KDM6A: variants seen among roughly 807,000 people sequenced by gnomAD.
The protein encoded by KDM6A is lysine-specific demethylase 6A.
A neutral mutation model predicts 117.6 loss-of-function variants in KDM6A; 11 were observed. That is an observed-to-expected ratio of 0.09 (90% CI 0.06 to 0.15). The LOEUF (loss-of-function observed/expected upper bound fraction) is 0.15, where lower values mean the gene tolerates loss of function less well. Ranked by LOEUF, KDM6A falls within the 10% of genes least tolerant of loss-of-function variation. The pLI is 1.00. For missense variants in KDM6A, 799 were observed against 1,077.3 expected (o/e 0.74, Z 3.62); for synonymous variants, 384 against 396.1 (o/e 0.97, Z 0.36).
At chrX:44,964,450 G>GGA (rs1372308590) in intron 3 of KDM6A, among the ~76,000 whole-genome samples, 118 of 54,232 alleles carry the variant, frequency 2.2e-3, no homozygotes, top group African/African-American at 6.7e-3. Context: ...CTCTGTCTCA[G>GGA]AAAAAAAAAA....
At chrX:44,976,904 A>G (rs1025152499) in intron 4 of KDM6A, among the ~76,000 whole-genome samples, 1 of 111,505 alleles carries the variant, frequency 9.0e-6, no homozygotes, top group African/African-American at 3.3e-5. Flanking sequence ...GAAACTGCCA[A>G]AACTTTTTTT....
At chrX:44,885,714 C>CA (rs1355849082) in intron 2 of KDM6A, among the ~76,000 whole-genome samples, 2 of 109,687 alleles carry the variant, frequency 1.8e-5, no homozygotes, top group African/African-American at 3.3e-5. Context: ...ACTAAAAATA[C>CA]AAAAAAAATT....
rs778574288 is a variant in KDM6A at position 44,935,170 on chromosome X, A to G, written c.226-26114A>G. 1.9e-3 allele frequency among the ~76,000 whole-genome samples: 218 copies of G among 111,932 alleles called. 1 individual carries two copies. The highest frequency in any genetic ancestry group is 8.2e-3 in the South Asian group (22 of 2,696). The stretch of plus-strand genomic sequence containing the variant: ...GAGGGTGATGTTATAGTGAATGCAT[A>G]CATATGTACACCTTAGTCGAAGTGA... On this transcript the variant is annotated intron_variant, in intron 2 of 29. Coordinates refer to ENST00000611820, the MANE Select transcript of KDM6A (RefSeq NM_001291415.2).
intron 2 of KDM6A, among the ~76,000 whole-genome samples, chrX:44,933,578 TTTTG>T (rs202187688): frequency 0.17 from 17,860 of 105,762 alleles, 1,360 homozygotes; most frequent in African/African-American, 0.26. Flanking sequence ...TGGCCGATGT[TTTTG>T]TTTGTTTGTT....
At chrX:44,997,537 T>A (rs1028513179) in intron 4 of KDM6A, among the ~76,000 whole-genome samples, 8 of 111,411 alleles carry the variant, frequency 7.2e-5, no homozygotes, top group African/African-American at 2.6e-4. Context: ...GGGTCTTGGG[T>A]TTTTATAGGC....
At chrX:44,896,259 A>G (rs941186552) in intron 2 of KDM6A, among the ~76,000 whole-genome samples, 1 of 109,498 alleles carries the variant, frequency 9.1e-6, no homozygotes, top group Non-Finnish European at 1.9e-5. Context: ...TATTTTTTTT[A>G]GTAGAGACGG....
chrX:45,088,414 C>G lies in KDM6A; in HGVS notation c.3705-1329C>G, dbSNP rs187702942. On this transcript the variant is annotated intron_variant, in intron 25 of 29. Transcript: ENST00000611820. The stretch of plus-strand genomic sequence containing the variant: ...TTCACCTTTCCTGGTCATGCGCTGT[C>G]TGTCACAACTGTGTCATTATAGCAC... Among the ~76,000 whole-genome samples, 66 of 113,433 alleles carry G rather than the reference C, an allele frequency of 5.8e-4. 1 individual carries two copies. In the East Asian group the frequency reaches 0.01, roughly 18 times the overall value.
At chrX:45,029,609 C>CAA (rs548329887) in intron 6 of KDM6A, among the ~76,000 whole-genome samples, 3,801 of 80,816 alleles carry the variant, frequency 0.047, 263 homozygotes, top group African/African-American at 0.16. Flanking sequence ...GAGATTGTCT[C>CAA]AAAAAAAAAA....
intron 2 of KDM6A, among the ~76,000 whole-genome samples, chrX:44,899,658 A>C (rs1419957210): frequency 9.1e-6 from 1 of 110,444 alleles, no homozygotes; most frequent in Non-Finnish European, 1.9e-5. Flanking sequence ...ATTACTCCTC[A>C]AATTATGAAG....
At chrX:45,004,708 A>G (rs768765770) in intron 4 of KDM6A, among the ~76,000 whole-genome samples, 2 of 111,463 alleles carry the variant, frequency 1.8e-5, no homozygotes, top group Non-Finnish European at 3.8e-5. Flanking sequence ...TAGATCCTGC[A>G]TATTTTCCTG....
intron 2 of KDM6A, among the ~76,000 whole-genome samples, chrX:44,939,878 A>G (rs1328762059): frequency 8.9e-6 from 1 of 111,880 alleles, no homozygotes; most frequent in Non-Finnish European, 1.9e-5. Context: ...AGGTATGTAC[A>G]TTTTCTTTGA....
At chrX:44,944,939 A>G (rs922196215) in intron 2 of KDM6A, among the ~76,000 whole-genome samples, 44 of 99,691 alleles carry the variant, frequency 4.4e-4, no homozygotes, top group African/African-American at 1.5e-3. Flanking sequence ...CAGTATTTCC[A>G]TTTGGTATAA....
intron 2 of KDM6A, among the ~76,000 whole-genome samples, chrX:44,887,327 T>TAC (rs1422414288): frequency 9.0e-6 from 1 of 111,652 alleles, no homozygotes; most frequent in Non-Finnish European, 1.9e-5. Context: ...ACCCTTTAGC[T>TAC]ACAAACATTT....
chrX:44,996,263 G>A (rs983370169), intron 4 of KDM6A, among the ~76,000 whole-genome samples: 1 of 109,247 alleles, frequency 9.2e-6, no homozygotes, highest in African/African-American at 3.3e-5. Flanking sequence ...TGTAGAGAAT[G>A]AGAGTCTCAC....
chrX:44,904,781 A>C (rs1049783644), intron 2 of KDM6A, among the ~76,000 whole-genome samples: 1 of 111,629 alleles, frequency 9.0e-6, no homozygotes, highest in African/African-American at 3.3e-5. Flanking sequence ...GTTTGTTTTC[A>C]AGTCTACTGC....
chrX:44,908,091 T>C (rs945812425), intron 2 of KDM6A, among the ~76,000 whole-genome samples: 9 of 111,402 alleles, frequency 8.1e-5, no homozygotes, highest in Non-Finnish European at 1.7e-4. Context: ...GACTAATTAG[T>C]TCTTATTCAG....
intron 4 of KDM6A, 79 bp from the exon 5 acceptor site, chrX:45,010,882 T>C: frequency 2.8e-6 from 2 of 718,639 alleles, no homozygotes. Flanking sequence ...ACATCTTGGA[T>C]ACCGTATTTT....
intron 3 of KDM6A, among the ~76,000 whole-genome samples, chrX:44,963,483 G>GTGTGTGTGTGTCTGTCTGTCTGTC (rs1481840859): frequency 7.3e-5 from 3 of 40,884 alleles, no homozygotes; most frequent in African/African-American, 2.3e-4. Flanking sequence ...GTGTGTGTGT[G>GTGTGTGTGTGTCTGTCTGTCTGTC]TGTCTGTCTG....
intron 5 of KDM6A, among the ~76,000 whole-genome samples, chrX:45,015,503 AC>A (rs2041927145): frequency 9.0e-6 from 1 of 111,077 alleles, no homozygotes. Context: ...CTGTATAGTC[AC>A]TGCTTTGGGT....
Sources: allele counts gnomAD v4.1 joint callset (sites outside exome capture counted in the v4.1 genomes callset), GRCh38; gene constraint gnomAD v4.1.1; transcripts MANE v1.5; gene names NCBI Gene and HGNC (gene_info 2026-07-23, HGNC 2026-07-21).